EDIL3: variants seen among roughly 807,000 people sequenced by gnomAD.
The protein encoded by EDIL3 is EGF like and discoidin domains 3.
A neutral mutation model predicts 67.4 loss-of-function variants in EDIL3; 37 were observed. The ratio of observed to expected loss-of-function variants is 0.55; its 90% CI spans 0.42 to 0.72. The LOEUF is 0.72. Among genes scored for constraint, EDIL3 ranks in the 30% least tolerant of loss-of-function variants. EDIL3 has a pLI of 0.00. For missense variants in EDIL3, 527 were observed against 586.3 expected (o/e 0.90, Z 1.04); for synonymous variants, 195 against 196.3 (o/e 0.99, Z 0.05).
chr5:84,080,298 C>CAAAAAAAAAAAAAAAAAAAAAAAAAA (rs369961167), intron 6 of EDIL3, among the ~76,000 whole-genome samples: 1 of 54,276 alleles, frequency 1.8e-5, no homozygotes, highest in African/African-American at 8.3e-5. Flanking sequence ...GACTCTGTCT[C>CAAAAAAAAAAAAAAAAAAAAAAAAAA]AAAAAAAAAA....
chr5:84,340,503 ACTCTCTCT>A (rs1170972212), intron 1 of EDIL3, among the ~76,000 whole-genome samples: 44 of 38,686 alleles, frequency 1.1e-3, no homozygotes, highest in African/African-American at 2.9e-3. Flanking sequence ...AGGGAAGATT[ACTCTCTCT>A]CTCTCTCTCT....
chr5:84,094,783 A>T (rs1747235035), intron 6 of EDIL3, among the ~76,000 whole-genome samples: 1 of 152,256 alleles, frequency 6.6e-6, no homozygotes, highest in African/African-American at 2.4e-5. Flanking sequence ...TATATTCTAC[A>T]TTAACTATAA....
At chr5:83,978,749 A>G (rs993861982) in intron 9 of EDIL3, among the ~76,000 whole-genome samples, 3 of 152,064 alleles carry the variant, frequency 2.0e-5, no homozygotes, top group African/African-American at 7.2e-5. Flanking sequence ...GTTGGACTCA[A>G]TAAAAGATGC....
chr5:83,994,780 G>C (rs1745209015), intron 9 of EDIL3, among the ~76,000 whole-genome samples: 1 of 152,096 alleles, frequency 6.6e-6, no homozygotes, highest in South Asian at 2.1e-4. Flanking sequence ...GTTTTTTAAG[G>C]AAACTTGTTT....
intron 3 of EDIL3, among the ~76,000 whole-genome samples, chr5:84,215,228 T>C (rs1744203712): frequency 6.6e-6 from 1 of 152,048 alleles, no homozygotes; most frequent in African/African-American, 2.4e-5. Context: ...TGGACAGAAA[T>C]AAATAAGCTA....
chr5:84,108,766 C>A (rs1230175472), intron 5 of EDIL3, among the ~76,000 whole-genome samples: 2 of 152,034 alleles, frequency 1.3e-5, no homozygotes, highest in African/African-American at 2.4e-5. Flanking sequence ...TTAGTTTGTA[C>A]AATGTTTGGA....
At chr5:83,985,693 T>A (rs1745047535) in intron 9 of EDIL3, among the ~76,000 whole-genome samples, 1 of 152,020 alleles carries the variant, frequency 6.6e-6, no homozygotes, top group Non-Finnish European at 1.5e-5. Flanking sequence ...TGTTGATTGT[T>A]TTATTCATTT....
intron 1 of EDIL3, among the ~76,000 whole-genome samples, chr5:84,359,843 AT>A (rs2112199680): frequency 6.6e-6 from 1 of 152,286 alleles, no homozygotes; most frequent in Non-Finnish European, 1.5e-5. Flanking sequence ...CAGTCAGACC[AT>A]TTTAGCTCCC....
chr5:84,028,365 A>G lies in EDIL3; in HGVS notation c.1137+31935T>C, dbSNP rs143550641. Among the ~76,000 whole-genome samples the G allele has an allele frequency of 2.2e-3, 330 of 152,242 alleles. 1 individual carries two copies. Among genetic ancestry groups the G allele is most frequent in the African/African-American group, 7.7e-3 (320 of 41,554 alleles). ...TCACCCTTTGACTTAAAATCTTCCAATGGTTCCTAAATCTTGCTTTCAGGA... is the reference window on the plus strand; with the variant it reads ...TCACCCTTTGACTTAAAATCTTCCAGTGGTTCCTAAATCTTGCTTTCAGGA... On this transcript the variant is annotated intron_variant, in intron 9 of 10. Coordinates refer to ENST00000296591, the MANE Select transcript of EDIL3 (RefSeq NM_005711.5).
intron 9 of EDIL3, among the ~76,000 whole-genome samples, chr5:84,009,623 T>G (rs1429106950): frequency 6.6e-6 from 1 of 152,202 alleles, no homozygotes; most frequent in Non-Finnish European, 1.5e-5. Context: ...AATTAAGATC[T>G]TGTGACATTA....
intron 9 of EDIL3, among the ~76,000 whole-genome samples, chr5:84,004,789 G>A (rs2112173382): frequency 6.6e-6 from 1 of 152,068 alleles, no homozygotes; most frequent in African/African-American, 2.4e-5. Flanking sequence ...AGAACAACAA[G>A]AGCAAACCAA....
intron 9 of EDIL3, among the ~76,000 whole-genome samples, chr5:83,981,978 A>C (rs1744978099): frequency 6.6e-6 from 1 of 152,080 alleles, no homozygotes; most frequent in East Asian, 1.9e-4. Context: ...ATATTTCATA[A>C]TTTATATAAC....
intron 6 of EDIL3, among the ~76,000 whole-genome samples, chr5:84,096,455 A>G (rs900044624): frequency 1.1e-4 from 17 of 152,130 alleles, no homozygotes; most frequent in African/African-American, 3.1e-4. Flanking sequence ...GACTACCCCA[A>G]TGGATTTTGG....
intron 1 of EDIL3, among the ~76,000 whole-genome samples, chr5:84,341,129 C>T (rs1330594056): frequency 6.6e-6 from 1 of 151,996 alleles, no homozygotes; most frequent in African/African-American, 2.4e-5. Context: ...TTTATCTTGC[C>T]TGATGGATCC....
chr5:83,947,831 T>G (rs1744340924), intron 10 of EDIL3, among the ~76,000 whole-genome samples: 1 of 151,882 alleles, frequency 6.6e-6, no homozygotes, highest in African/African-American at 2.4e-5. Flanking sequence ...TACTTAACAA[T>G]AATTGACACA....
At chr5:84,218,520 T>C (rs968437341) in intron 3 of EDIL3, among the ~76,000 whole-genome samples, 2 of 152,186 alleles carry the variant, frequency 1.3e-5, no homozygotes, top group African/African-American at 2.4e-5. Flanking sequence ...CGAACAACTA[T>C]CCACACAACA....
intron 5 of EDIL3, among the ~76,000 whole-genome samples, chr5:84,125,550 C>A (rs1747854626): frequency 6.6e-6 from 1 of 151,894 alleles, no homozygotes; most frequent in African/African-American, 2.4e-5. Context: ...AAGAAAGGAA[C>A]TAAATCAAAA....
chr5:84,328,774 G>A (rs1483737610), intron 1 of EDIL3, among the ~76,000 whole-genome samples: 1 of 152,046 alleles, frequency 6.6e-6, no homozygotes, highest in East Asian at 1.9e-4. Flanking sequence ...GTAACTGTCA[G>A]CGGTTCATAT....
At chr5:84,001,965 T>C (rs971277323) in intron 9 of EDIL3, among the ~76,000 whole-genome samples, 4 of 151,310 alleles carry the variant, frequency 2.6e-5, no homozygotes, top group Non-Finnish European at 5.9e-5. Flanking sequence ...TAAATAAATA[T>C]AAAGAAAGAA....
Sources: gnomAD v4.1 joint callset for allele counts (sites outside exome capture counted in the v4.1 genomes callset) on GRCh38, gnomAD v4.1.1 for gene constraint, MANE v1.5 for transcripts, NCBI Gene and HGNC (gene_info 2026-07-23, HGNC 2026-07-21) for gene names.